The following DOCK2 variants were observed in gnomAD, a reference collection of about 807,000 sequenced individuals.
DOCK2 encodes dedicator of cytokinesis 2.
In DOCK2, 87 loss-of-function variants were observed where a neutral mutation model predicts 248.9. The ratio of observed to expected loss-of-function variants is 0.35; its 90% CI spans 0.29 to 0.42. The LOEUF (loss-of-function observed/expected upper bound fraction) is 0.42, where lower values mean the gene tolerates loss of function less well. Ranked by LOEUF, DOCK2 falls within the 10% of genes least tolerant of loss-of-function variation. The probability of loss-of-function intolerance (pLI) is 1.00; values close to 1 mark genes in which losing one functional copy is unlikely to be tolerated. For missense variants in DOCK2, 1,747 were observed against 2,300.2 expected (o/e 0.76, Z 4.92); for synonymous variants, 805 against 821.6 (o/e 0.98, Z 0.35).
intron 27 of DOCK2, among the ~76,000 whole-genome samples, chr5:169,888,347 G>A (rs145617265): frequency 1.3e-5 from 2 of 152,252 alleles, no homozygotes; most frequent in Admixed American, 6.5e-5. Context: ...ATCCAGAATC[G>A]TTCCCCACAG....
At chr5:169,936,053 T>A (rs1213951169) in intron 27 of DOCK2, among the ~76,000 whole-genome samples, 1 of 152,164 alleles carries the variant, frequency 6.6e-6, no homozygotes, top group Non-Finnish European at 1.5e-5. Context: ...AAGAAGTCTG[T>A]TTCTGTTTCC....
At chr5:169,752,804 C>T (rs370676669) in intron 23 of DOCK2, among the ~76,000 whole-genome samples, 12 of 151,368 alleles carry the variant, frequency 7.9e-5, no homozygotes, top group African/African-American at 2.9e-4. Flanking sequence ...CCGTGACTCA[C>T]GCCTGTAATC....
Position 170,067,644 on chromosome 5 carries a change from T to G in DOCK2, c.4602T>G (p.Ile1534Met). 2 of 1,614,162 alleles carry G rather than the reference T, an allele frequency of 1.2e-6. No individual in the cohort carries two copies. The highest frequency in any genetic ancestry group is 1.7e-6 in the Non-Finnish European group (2 of 1,180,018). ...CACTCTCCATGCTCCTGAACGGGAT[T>G]GTGGACCCTGCTGTCATGGGAGGCT... ...INPLSMLLNG[I>M]VDPAVMGGFA... is the part of the protein sequence containing the mutation. The change falls in exon 45 of 52, where the codon ATT (isoleucine) becomes ATG (methionine). Residue 1534 changes from isoleucine to methionine, a missense_variant. Physicochemically the swap from Ile to Met is conservative, Grantham distance 10. Transcript: ENST00000520908.
intron 26 of DOCK2, among the ~76,000 whole-genome samples, chr5:169,817,138 C>T (rs1247778972): frequency 6.6e-6 from 1 of 152,164 alleles, no homozygotes; most frequent in East Asian, 1.9e-4. Flanking sequence ...CCCAATTCTT[C>T]CTCGATTAAG....
intron 29 of DOCK2, among the ~76,000 whole-genome samples, chr5:169,988,341 C>G (rs1322768754): frequency 6.6e-6 from 1 of 151,916 alleles, no homozygotes; most frequent in Admixed American, 6.6e-5. Context: ...TTTAATCCTC[C>G]CAACAACTTT....
chr5:170,051,464 A>G (rs1424502578), intron 41 of DOCK2, among the ~76,000 whole-genome samples: 1 of 152,186 alleles, frequency 6.6e-6, no homozygotes, highest in African/African-American at 2.4e-5. Flanking sequence ...AGCTCCTTAC[A>G]TGACTAGCTG....
At chr5:169,902,967 A>T (rs767030996) in intron 27 of DOCK2, among the ~76,000 whole-genome samples, 3 of 152,158 alleles carry the variant, frequency 2.0e-5, no homozygotes, top group Middle Eastern at 6.8e-3. Context: ...GTGTGGTGGC[A>T]CATGCCTGTA....
chr5:170,015,344 A>T (rs992507192), intron 32 of DOCK2, among the ~76,000 whole-genome samples: 4 of 152,088 alleles, frequency 2.6e-5, no homozygotes, highest in African/African-American at 7.2e-5. Flanking sequence ...ATACCACACA[A>T]CCAGGGAGTG....
chr5:169,781,258 C>G lies in DOCK2; in HGVS notation c.2554+19633C>G, dbSNP rs113728464. ...CGTGCAAACTCCACAGACAGTGGCC[C>G]CAGCTGGGAATTGATTTTTTTTCTC... On this transcript the variant is annotated intron_variant, in intron 25 of 51. Transcript: ENST00000520908. Among the ~76,000 whole-genome samples, 913 of 152,268 alleles carry G rather than the reference C, an allele frequency of 6.0e-3. 5 individuals carry two copies. The highest frequency in any genetic ancestry group is 9.1e-3 in the Non-Finnish European group (618 of 68,030).
rs1008929032 is a variant in DOCK2 at position 169,684,479 on chromosome 5, G to T, written c.761+129G>T. 77 of 1,252,878 alleles carry T rather than the reference G, an allele frequency of 6.1e-5. No individual in the cohort carries two copies. The East Asian group carries it at 8.7e-4, about 14-fold the overall frequency. The allele number at this position is 1,252,878 out of a possible 1,614,324, so 77.6% of individuals were successfully genotyped here. A position where few individuals can be genotyped will look rare whatever the true frequency, so the allele number is the denominator to read the frequency against. On this transcript the variant is annotated intron_variant, in intron 8 of 51. Coordinates refer to ENST00000520908, the MANE Select transcript of DOCK2 (RefSeq NM_004946.3). ...GAGACTGCACCTGAGTGAGAATGTGGAAATAACTTCTTTGGAGGTTGTAGG... is the reference window on the plus strand; with the variant it reads ...GAGACTGCACCTGAGTGAGAATGTGTAAATAACTTCTTTGGAGGTTGTAGG...
intron 22 of DOCK2, among the ~76,000 whole-genome samples, chr5:169,724,183 G>A (rs1009316601): frequency 2.0e-5 from 3 of 152,144 alleles, no homozygotes; most frequent in Admixed American, 1.3e-4. Flanking sequence ...AGGGGCTGAC[G>A]TACTGAGTGA....
At chr5:169,841,358 AT>A in intron 27 of DOCK2, 2 of 987,174 alleles carry the variant, frequency 2.0e-6, no homozygotes, top group Non-Finnish European at 2.4e-6. Context: ...AGATCAGGAA[AT>A]TTCTGCCCCG....
chr5:169,804,491 C>A (rs62384795), intron 26 of DOCK2, among the ~76,000 whole-genome samples: 1 of 71,844 alleles, frequency 1.4e-5, no homozygotes, highest in Non-Finnish European at 3.9e-5. Context: ...TGTGTGCGCG[C>A]GCGCGTGCGC....
intron 48 of DOCK2, among the ~76,000 whole-genome samples, chr5:170,078,180 C>A (rs1484506127): frequency 2.6e-5 from 4 of 152,182 alleles, no homozygotes; most frequent in South Asian, 2.1e-4. Flanking sequence ...TCATAGGGAT[C>A]TGTTCCCTTT....
At chr5:169,866,268 C>G (rs1380542788) in intron 27 of DOCK2, among the ~76,000 whole-genome samples, 1 of 152,180 alleles carries the variant, frequency 6.6e-6, no homozygotes, top group Admixed American at 6.5e-5. Flanking sequence ...ATAATCCTGG[C>G]TGGATGACCT....
chr5:169,653,970 G>A (rs1757949723), intron 1 of DOCK2, among the ~76,000 whole-genome samples: 1 of 152,244 alleles, frequency 6.6e-6, no homozygotes, highest in South Asian at 2.1e-4. Context: ...GGCCACAGCT[G>A]CCTGGCTCTC....
intron 32 of DOCK2, among the ~76,000 whole-genome samples, chr5:170,018,195 C>G (rs1755601151): frequency 6.6e-6 from 1 of 152,022 alleles, no homozygotes; most frequent in Non-Finnish European, 1.5e-5. Flanking sequence ...GGCTTTTCTC[C>G]CAGAGGAAGG....
chr5:169,800,944 C>CTTTTTT lies in DOCK2; in HGVS notation c.2555-2090_2555-2085dup, dbSNP rs60140740. On this transcript the variant is annotated intron_variant, in intron 25 of 51. Transcript: ENST00000520908. ...TTTTTCTTTTTTCTTTTCTTTCTTTCTTTTTTTTTTTTTTTTTTTTTTTTT... is the reference window on the plus strand; with the variant it reads ...TTTTTCTTTTTTCTTTTCTTTCTTTCTTTTTTTTTTTTTTTTTTTTTTTTTTTTTTT... Among the ~76,000 whole-genome samples the CTTTTTT allele has an allele frequency of 6.3e-3, 336 of 53,190 alleles. 11 individuals are homozygous for CTTTTTT. The highest frequency in any genetic ancestry group is 0.022 in the East Asian group (34 of 1,536). The allele number at this position is 53,190 out of a possible 152,430, so 34.9% of individuals were successfully genotyped here. A position where few individuals can be genotyped will look rare whatever the true frequency, so the allele number is the denominator to read the frequency against.
chr5:169,781,676 GGT>G (rs1238921426), intron 25 of DOCK2, among the ~76,000 whole-genome samples: 1 of 152,182 alleles, frequency 6.6e-6, no homozygotes, highest in African/African-American at 2.4e-5. Context: ...CACAGGCCGT[GGT>G]GTGTGAATCC....
Sources: gnomAD v4.1 joint callset for allele counts (sites outside exome capture counted in the v4.1 genomes callset) on GRCh38, gnomAD v4.1.1 for gene constraint, MANE v1.5 for transcripts, NCBI Gene and HGNC (gene_info 2026-07-23, HGNC 2026-07-21) for gene names.